ECE2: variants seen among roughly 807,000 people sequenced by gnomAD.
ECE2 encodes the protein endothelin-converting enzyme 2.
In ECE2, 81 loss-of-function variants were observed where a neutral mutation model predicts 100.6. That is an observed-to-expected ratio of 0.81 (90% CI 0.67 to 0.97). The LOEUF (loss-of-function observed/expected upper bound fraction) is 0.97. Among genes scored for constraint, ECE2 ranks in the 50% least tolerant of loss-of-function variants. The pLI is 0.00. For synonymous variants in ECE2, 391 were observed against 391.5 expected, an observed-to-expected ratio of 1.00 and a Z score of 0.02; for missense variants, 911 against 988.1, an observed-to-expected ratio of 0.92 and a Z score of 1.05.
At chr3:184,288,370 C>T (rs1431110752) in intron 11 of ECE2, among the ~76,000 whole-genome samples, 2 of 139,854 alleles carry the variant, frequency 1.4e-5, no homozygotes, top group South Asian at 4.7e-4. Context: ...AATTGATGAA[C>T]AAATGAAGTA....
In ECE2 at chr3:184,285,516, A is replaced by C. The variant is rs779100213; in HGVS notation, c.1187A>C (p.Lys396Thr). ...NNYLIWNLVQ[K>T]TTSSLDRRFE... ...TACCTGATCTGGAACCTGGTGCAAA[A>C]GACAACCTCAAGCCTGGACCGACGC... Residue 396 changes from lysine (K) to threonine (T), a missense_variant, in exon 10 of 19, where the codon AAG becomes ACG. Transcript: ENST00000404464. 1.9e-6 allele frequency: 3 copies of C among 1,614,172 alleles called. No homozygotes were observed. Among genetic ancestry groups the C allele is most frequent in the Admixed American group, 1.7e-5 (1 of 60,030 alleles).
chr3:184,285,211 G>A, intron 9 of ECE2, 106 bp downstream of exon 9: 1 of 1,441,806 alleles, frequency 6.9e-7, no homozygotes, highest in Non-Finnish European at 9.4e-7. Flanking sequence ...TAATGCTATG[G>A]GCCTTCCAAA....
At chr3:184,280,261 C>G (rs1720761343) in intron 7 of ECE2, among the ~76,000 whole-genome samples, 1 of 152,182 alleles carries the variant, frequency 6.6e-6, no homozygotes. Flanking sequence ...AGTCTCAGCT[C>G]TGCTGCTTGG....
At chr3:184,277,862 G>A in intron 4 of ECE2, 63 bp from the exon 5 acceptor site, 1 of 1,589,104 alleles carries the variant, frequency 6.3e-7, no homozygotes, top group Non-Finnish European at 8.5e-7. Context: ...CCGAGCAAGG[G>A]CCAGGGACTC....
At chr3:184,286,151 AAAGTTCACC>A (rs942346045) in intron 10 of ECE2, among the ~76,000 whole-genome samples, 3 of 152,088 alleles carry the variant, frequency 2.0e-5, no homozygotes, top group African/African-American at 7.2e-5. Context: ...ATGTGATGGA[AAAGTTCACC>A]AAGAAAGCCG....
intron 7 of ECE2, among the ~76,000 whole-genome samples, chr3:184,283,355 G>A (rs536636418): frequency 2.8e-4 from 43 of 152,038 alleles, no homozygotes; most frequent in African/African-American, 1.0e-3. Context: ...GAGGTCAGGA[G>A]TTCGAGACCA....
rs566939285 is a variant in ECE2 at position 184,286,199 on chromosome 3, C to A, written c.1263+607C>A. 2.6e-5 allele frequency among the ~76,000 whole-genome samples: 4 copies of A among 152,108 alleles called. No individual in the cohort carries two copies. The South Asian group carries it at 8.3e-4, about 32-fold the overall frequency. ...AGAAGGGCATTCCAGGGACAAGGAA[C>A]GGCATGTGCAAATTCCTAGAGGCCA... is the stretch of plus-strand genomic sequence containing the variant. On this transcript the variant is annotated intron_variant, in intron 10 of 18. Coordinates refer to ENST00000404464, the MANE Select transcript of ECE2 (RefSeq NM_001100121.2).
At chr3:184,278,389 C>A in intron 6 of ECE2, 76 bp downstream of exon 6, 3 of 1,588,228 alleles carry the variant, frequency 1.9e-6, no homozygotes, top group Non-Finnish European at 2.6e-6. Context: ...CTGTGACAGG[C>A]AGGCTGGGCT....
rs565886995 is a variant in ECE2, at chr3:184,276,023, C to G, written c.-131C>G. 2.7e-5 allele frequency: 28 copies of G among 1,044,636 alleles called. No homozygotes were observed. In the African/African-American group the frequency reaches 4.1e-4, roughly 15 times the overall value. 64.7% of individuals were successfully genotyped at this position (1,044,636 alleles called of 1,614,324 possible). A position where few individuals can be genotyped will look rare whatever the true frequency, so the allele number is the denominator to read the frequency against. On this transcript the variant is annotated 5_prime_UTR_variant, in exon 1 of 19. Coordinates refer to ENST00000404464, the MANE Select transcript of ECE2 (RefSeq NM_001100121.2). ...ACTCGGGCGGGGGGGGGGGCGGCCG[C>G]GGCCGAGCGGGGGTGCTGCGCGGCG...
At position 184,276,192 on chromosome 3, in the gene ECE2, C is replaced by T. The variant is rs759733070; in HGVS notation, c.39C>T (p.Asn13=). 21 of 1,446,674 alleles carry T rather than the reference C, an allele frequency of 1.5e-5. No individual in the cohort carries two copies. In the Middle Eastern group the frequency reaches 7.4e-4, roughly 51 times the overall value. The allele number at this position is 1,446,674 out of a possible 1,614,324, so 89.6% of individuals were successfully genotyped here. ...TGCAGGAGCTGGGAGCTGGCAGCAA[C>T]GTGAGTGGGGGCCCCGGGCTCCACG... ...VALQELGAGS[N]MVEYKRATLR... The change falls in exon 1 of 19, where the codon AAC becomes AAT. Residue 13 remains asparagine (N), a splice_region_variant and synonymous_variant. Coordinates refer to ENST00000404464, the MANE Select transcript of ECE2 (RefSeq NM_001100121.2).
In ECE2 at chr3:184,283,928, C is replaced by G. The variant is rs761989548; in HGVS notation, c.960C>G (p.Arg320=). 1 of 1,613,940 alleles carries G rather than the reference C, an allele frequency of 6.2e-7. No homozygotes were observed. The highest frequency in any genetic ancestry group is 8.5e-7 in the Non-Finnish European group (1 of 1,180,014). Residue 320 remains arginine (R), a synonymous_variant, in exon 8 of 19, where the codon CGC becomes CGG. Transcript: ENST00000404464. ...TCACAGTGCCCCAGGACCAGCGGCG[C>G]GACGAGGAGAAGATCTACCACAAGA... ...ANITVPQDQR[R]DEEKIYHKMS... is the part of the protein sequence containing the mutation.
At chr3:184,278,754 C>T (rs965605970) in intron 7 of ECE2, 197 bp downstream of exon 7, 28 of 611,728 alleles carry the variant, frequency 4.6e-5, no homozygotes, top group Middle Eastern at 3.8e-4. Flanking sequence ...CTTCCTTCCT[C>T]TTATTCTTCT....
Position 184,291,293 on chromosome 3 carries a change from G to T in ECE2, c.2026-51G>T. The T allele has an allele frequency of 6.3e-7, 1 of 1,589,144 alleles. No homozygotes were observed. ...GCTGGCCTGGGGTGAAAGGTGCCGG[G>T]TGGGTGGGGGCAGGCCTGGATGGGC... On this transcript the variant is annotated intron_variant, in intron 17 of 18. Coordinates refer to ENST00000404464, the MANE Select transcript of ECE2 (RefSeq NM_001100121.2). This position sits in a 1 kb window ranked among gnomAD's most constrained non-coding sequence, Gnocchi z 4.1.
intron 7 of ECE2, among the ~76,000 whole-genome samples, chr3:184,281,837 G>A (rs1047803009): frequency 7.9e-5 from 12 of 152,226 alleles, no homozygotes; most frequent in Non-Finnish European, 1.5e-4. Context: ...AGTGGCTCAC[G>A]CCTGTGGCCC....
At position 184,289,555 on chromosome 3, in the gene ECE2, G is replaced by C; in HGVS notation, c.1473+20G>C. ...GAGAAAGTGAGCGGTGGCTAGGGTTGGGGCGCCATCTTGAGGTGGGGTTCA... is the reference window on the plus strand; with the variant it reads ...GAGAAAGTGAGCGGTGGCTAGGGTTCGGGCGCCATCTTGAGGTGGGGTTCA... On this transcript the variant is annotated intron_variant, in intron 12 of 18. Coordinates refer to ENST00000404464, the MANE Select transcript of ECE2 (RefSeq NM_001100121.2). The surrounding 1 kb of genome is among the most constrained non-coding windows in gnomAD (Gnocchi z 4.1). 2 of 1,613,768 alleles carry C rather than the reference G, an allele frequency of 1.2e-6. No individual in the cohort carries two copies. Among genetic ancestry groups the C allele is most frequent in the Non-Finnish European group, 1.7e-6 (2 of 1,179,822 alleles).
intron 1 of ECE2, 138 bp from the exon 2 acceptor site, chr3:184,276,343 C>G: frequency 7.2e-7 from 1 of 1,397,496 alleles, no homozygotes; most frequent in Non-Finnish European, 9.7e-7. Context: ...ACCCCGGGCC[C>G]GAGAGCAGGG....
Position 184,283,643 on chromosome 3 carries a change from G to A in ECE2, c.817-142G>A, listed in dbSNP as rs111871937. On this transcript the variant is annotated intron_variant, in intron 7 of 18. Coordinates refer to ENST00000404464, the MANE Select transcript of ECE2 (RefSeq NM_001100121.2). ...CTTAGCCAATGGAGGTAAGCAGTGTGTCAGAAATGAAACAGGTCATCCAGA... is the reference window on the plus strand; with the variant it reads ...CTTAGCCAATGGAGGTAAGCAGTGTATCAGAAATGAAACAGGTCATCCAGA... The A allele has an allele frequency of 3.2e-4, 203 of 639,956 alleles. No homozygotes were observed. The African/African-American group carries it at 3.6e-3, about 11-fold the overall frequency. The allele number at this position is 639,956 out of a possible 1,614,324, so 39.6% of individuals were successfully genotyped here.
In ECE2 at chr3:184,276,141, G is replaced by A. The variant is rs556455769; in HGVS notation, c.-13G>A. The A allele has an allele frequency of 2.0e-5, 28 of 1,398,172 alleles. No individual in the cohort carries two copies. The East Asian group carries it at 5.5e-4, about 27-fold the overall frequency. 86.6% of individuals were successfully genotyped at this position (1,398,172 alleles called of 1,614,324 possible). On this transcript the variant is annotated 5_prime_UTR_variant, in exon 1 of 19. Transcript: ENST00000404464. Reference sequence around the variant, plus strand: ...GCCGGGAGCCCTGAATCACCGCCTGGCCCGACTCCACCATGAACGTCGCGC... The same window carrying A: ...GCCGGGAGCCCTGAATCACCGCCTGACCCGACTCCACCATGAACGTCGCGC...
At position 184,292,375 on chromosome 3, in the gene ECE2, A is replaced by G. The variant is rs1223089831; in HGVS notation, c.*137A>G. On this transcript the variant is annotated 3_prime_UTR_variant, in exon 19 of 19. Coordinates refer to ENST00000404464, the MANE Select transcript of ECE2 (RefSeq NM_001100121.2). ...GTCCCTCCCCCCCACAGGTGACATG[A>G]GTACAGACCCTCCTCAATCACCACA... 5.2e-6 allele frequency: 5 copies of G among 967,552 alleles called. No individual in the cohort carries two copies. Among genetic ancestry groups the G allele is most frequent in the Non-Finnish European group, 7.7e-6 (5 of 651,118 alleles). 59.9% of individuals were successfully genotyped at this position (967,552 alleles called of 1,614,324 possible). A position where few individuals can be genotyped will look rare whatever the true frequency, so the allele number is the denominator to read the frequency against.
Sources: allele counts gnomAD v4.1 joint callset (sites outside exome capture counted in the v4.1 genomes callset), GRCh38; gene constraint gnomAD v4.1.1; non-coding constraint Gnocchi (gnomAD v3.1); transcripts MANE v1.5; gene names NCBI Gene and HGNC (gene_info 2026-07-23, HGNC 2026-07-21).